The following GJB7 variants were observed in gnomAD, a reference collection of about 807,000 sequenced individuals.
The protein encoded by GJB7 is gap junction protein beta 7.
For synonymous variants in GJB7, 87 were observed against 95.2 expected, an observed-to-expected ratio of 0.91 and a Z score of 0.50; for missense variants, 253 against 256.8, an observed-to-expected ratio of 0.99 and a Z score of 0.10.
At chr6:87,290,959 G>A (rs1160156299) in intron 2 of GJB7, among the ~76,000 whole-genome samples, 4 of 152,266 alleles carry the variant, frequency 2.6e-5, no homozygotes, top group Admixed American at 6.5e-5. Flanking sequence ...AACACATAAC[G>A]GGTATGCTCA....
chr6:87,311,208 T>G (rs1033056646), intron 2 of GJB7, among the ~76,000 whole-genome samples: 3 of 152,150 alleles, frequency 2.0e-5, no homozygotes, highest in Admixed American at 2.0e-4. Flanking sequence ...CTGCTGGGAG[T>G]ATAAATTGGT....
intron 2 of GJB7, among the ~76,000 whole-genome samples, chr6:87,303,502 T>A (rs567147465): frequency 1.6e-4 from 25 of 152,304 alleles, no homozygotes; most frequent in Admixed American, 7.2e-4. Flanking sequence ...ATGCACCTAA[T>A]ACAGGAGCAC....
chr6:87,301,006 T>C (rs894564945), intron 2 of GJB7, among the ~76,000 whole-genome samples: 1 of 152,208 alleles, frequency 6.6e-6, no homozygotes, highest in East Asian at 1.9e-4. Flanking sequence ...ATGGAAAATT[T>C]CATCAGAGGA....
chr6:87,308,068 C>G (rs1407450367), intron 2 of GJB7, among the ~76,000 whole-genome samples: 1 of 152,126 alleles, frequency 6.6e-6, no homozygotes, highest in Non-Finnish European at 1.5e-5. Context: ...GAGTTCATGT[C>G]CTTTGTAGGG....
At chr6:87,295,850 G>A (rs539846928) in intron 2 of GJB7, among the ~76,000 whole-genome samples, 2 of 152,252 alleles carry the variant, frequency 1.3e-5, no homozygotes, top group East Asian at 3.9e-4. Context: ...CAATTTCCAT[G>A]TCCAAGAAAT....
chr6:87,293,551 C>T (rs1390735168), intron 2 of GJB7, among the ~76,000 whole-genome samples: 1 of 151,992 alleles, frequency 6.6e-6, no homozygotes, highest in African/African-American at 2.4e-5. Context: ...ATCCCAAAGT[C>T]TTGTCTCTGG....
chr6:87,306,034 G>A (rs1095672), intron 2 of GJB7, among the ~76,000 whole-genome samples: 77,214 of 151,172 alleles, frequency 0.51, 20,294 homozygotes, highest in Non-Finnish European at 0.58. Context: ...ATTCAAGATG[G>A]ATTAAAGACT....
At chr6:87,287,858 A>G (rs1412577798) in intron 2 of GJB7, among the ~76,000 whole-genome samples, 2 of 152,214 alleles carry the variant, frequency 1.3e-5, no homozygotes, top group Admixed American at 1.3e-4. Flanking sequence ...ATGGCATCAA[A>G]TGTCATAATT....
chr6:87,323,609 A>C lies in GJB7; in HGVS notation c.-205-566T>G, dbSNP rs534070250. ...TCCCTACAAAGGACATGAACTCATC[A>C]TTTTTTATGGCTGCATAGTATTACA... On this transcript the variant is annotated intron_variant, in intron 1 of 2. Transcript: ENST00000525899. Among the ~76,000 whole-genome samples the C allele has an allele frequency of 4.0e-3, 608 of 152,058 alleles. 5 individuals carry two copies. Among genetic ancestry groups the C allele is most frequent in the African/African-American group, 0.014 (592 of 41,470 alleles).
intron 2 of GJB7, among the ~76,000 whole-genome samples, chr6:87,318,226 A>T (rs1482926549): frequency 6.6e-6 from 1 of 152,078 alleles, no homozygotes; most frequent in Non-Finnish European, 1.5e-5. Flanking sequence ...GTTTTCAAAA[A>T]TAGCAAGATG....
intron 2 of GJB7, among the ~76,000 whole-genome samples, chr6:87,287,001 GT>G (rs1361173045): frequency 6.6e-6 from 1 of 152,178 alleles, no homozygotes; most frequent in Non-Finnish European, 1.5e-5. Context: ...ATTGTAGGAA[GT>G]TTAGTAGCAT....
intron 2 of GJB7, among the ~76,000 whole-genome samples, chr6:87,286,444 CTG>C (rs1044231375): frequency 1.2e-4 from 18 of 152,216 alleles, no homozygotes; most frequent in African/African-American, 4.3e-4. Context: ...GCTGAAATCT[CTG>C]TCACTCCTAC....
At chr6:87,303,223 C>T (rs1776364097) in intron 2 of GJB7, among the ~76,000 whole-genome samples, 1 of 152,158 alleles carries the variant, frequency 6.6e-6, no homozygotes, top group Non-Finnish European at 1.5e-5. Flanking sequence ...TTAAAAGACA[C>T]AGACTGGCAA....
chr6:87,311,833 A>G (rs1776515567), intron 2 of GJB7, among the ~76,000 whole-genome samples: 1 of 152,180 alleles, frequency 6.6e-6, no homozygotes. Context: ...ATATTGACAC[A>G]GGTGGTCTCA....
intron 2 of GJB7, among the ~76,000 whole-genome samples, chr6:87,304,177 G>A (rs1442254468): frequency 1.3e-5 from 2 of 152,260 alleles, no homozygotes; most frequent in South Asian, 2.1e-4. Flanking sequence ...ACGAAGATCA[G>A]AGGAGAACTG....
intron 2 of GJB7, among the ~76,000 whole-genome samples, chr6:87,321,120 G>C (rs959681615): frequency 1.3e-5 from 2 of 151,784 alleles, no homozygotes; most frequent in African/African-American, 4.8e-5. Flanking sequence ...TCGGGAGGAT[G>C]AGGCAGGAGA....
chr6:87,321,139 A>C (rs1393802691), intron 2 of GJB7, among the ~76,000 whole-genome samples: 2 of 151,560 alleles, frequency 1.3e-5, no homozygotes, highest in Non-Finnish European at 2.9e-5. Flanking sequence ...GAATTGCTTG[A>C]ACCCAGGAGG....
At chr6:87,299,433 T>C in intron 2 of GJB7, 1 of 463,094 alleles carries the variant, frequency 2.2e-6, no homozygotes. Flanking sequence ...CTCCATACTT[T>C]ATTAATACGT....
intron 1 of GJB7, among the ~76,000 whole-genome samples, chr6:87,328,179 A>G (rs910673189): frequency 2.0e-5 from 3 of 152,168 alleles, no homozygotes; most frequent in Admixed American, 1.3e-4. Flanking sequence ...AAAGTTTTCA[A>G]CTTCTTTGCC....
Sources: allele counts gnomAD v4.1 joint callset (sites outside exome capture counted in the v4.1 genomes callset), GRCh38; gene constraint gnomAD v4.1.1; transcripts MANE v1.5; gene names NCBI Gene and HGNC (gene_info 2026-07-23, HGNC 2026-07-21).